The following ADAMTSL1 variants were observed in gnomAD, a reference collection of about 807,000 sequenced individuals.
The protein encoded by ADAMTSL1 is ADAMTS-like protein 1.
Under a neutral mutation model 201.8 loss-of-function variants are expected in ADAMTSL1, and 126 were observed. The observed-to-expected ratio is 0.62, with a 90% confidence interval of 0.54 to 0.72. ADAMTSL1 has a LOEUF of 0.72. ADAMTSL1 is among the 30% of genes least tolerant of loss of function. The pLI is 0.00. For missense variants in ADAMTSL1, 2,679 were observed against 2,277.8 expected (o/e 1.18, Z -3.59); for synonymous variants, 1,121 against 903.4 (o/e 1.24, Z -4.32).
chr9:18,885,081 TTCAGTGTTCAAGATTTTTGTCTC>T (rs1225702721), intron 23 of ADAMTSL1, among the ~76,000 whole-genome samples: 10 of 152,180 alleles, frequency 6.6e-5, no homozygotes, highest in Non-Finnish European at 1.2e-4. Flanking sequence ...TTTTGTCGTT[TTCAGTGTTCAAGATTTTTGTCTC>T]TCAGTCCATT....
chr9:18,822,354 T>G (rs1824262499), intron 21 of ADAMTSL1, among the ~76,000 whole-genome samples: 2 of 152,192 alleles, frequency 1.3e-5, no homozygotes, highest in African/African-American at 2.4e-5. Context: ...TGACAACACC[T>G]TGGTTTTACA....
At chr9:18,202,566 G>T (rs1829493712) in intron 2 of ADAMTSL1, among the ~76,000 whole-genome samples, 3 of 152,134 alleles carry the variant, frequency 2.0e-5, no homozygotes, top group Admixed American at 6.6e-5. Context: ...TTCTCTTCCA[G>T]CCCAACCTGT....
rs77049858 is a variant in ADAMTSL1 at position 18,551,710 on chromosome 9, C to T, written c.237+18418C>T. 7.4e-3 allele frequency among the ~76,000 whole-genome samples: 1,120 copies of T among 151,868 alleles called. 9 individuals carry two copies. Among genetic ancestry groups the T allele is most frequent in the East Asian group, 0.051 (262 of 5,160 alleles). On this transcript the variant is annotated intron_variant, in intron 3 of 28. Transcript: ENST00000380548. ...GTCTCCTCATTTGCAAAATGAGGCA[C>T]ATAGGGTCGTCGTGAGGATTTCATG...
At chr9:18,412,218 C>T (rs79923364) in intron 2 of ADAMTSL1, among the ~76,000 whole-genome samples, 1 of 152,158 alleles carries the variant, frequency 6.6e-6, no homozygotes, top group East Asian at 1.9e-4. Flanking sequence ...CCGGCAAGAA[C>T]ACTTCATAAG....
chr9:18,499,065 A>G (rs1563998892), intron 1 of ADAMTSL1, among the ~76,000 whole-genome samples: 1 of 152,252 alleles, frequency 6.6e-6, no homozygotes, highest in Non-Finnish European at 1.5e-5. Flanking sequence ...TAGCTTTTAC[A>G]CCCTGTTACA....
chr9:18,766,928 G>A (rs1010047457), intron 16 of ADAMTSL1, among the ~76,000 whole-genome samples: 1 of 152,156 alleles, frequency 6.6e-6, no homozygotes, highest in Non-Finnish European at 1.5e-5. Context: ...ATGGATTATG[G>A]TATGCTGATT....
intron 23 of ADAMTSL1, among the ~76,000 whole-genome samples, chr9:18,843,941 T>TC (rs1825908082): frequency 6.6e-6 from 1 of 152,126 alleles, no homozygotes; most frequent in Non-Finnish European, 1.5e-5. Context: ...TTCGTGTAAA[T>TC]TTTTTTCAAA....
rs571817932 is a variant in ADAMTSL1 at position 18,684,090 on chromosome 9, G to A, written c.1490-626G>A. Reference sequence around the variant, plus strand: ...TTTTTTCCCAGGAAGTAACTAGGAAGTTTGTTTTGAATTGTTTGGCCAAAG... The same window carrying A: ...TTTTTTCCCAGGAAGTAACTAGGAAATTTGTTTTGAATTGTTTGGCCAAAG... On this transcript the variant is annotated intron_variant, in intron 12 of 28. Coordinates refer to ENST00000380548, the MANE Select transcript of ADAMTSL1 (RefSeq NM_001040272.6). Among the ~76,000 whole-genome samples, 12 of 152,256 alleles carry A rather than the reference G, an allele frequency of 7.9e-5. No homozygotes were observed. The East Asian group carries it at 2.3e-3, about 29-fold the overall frequency.
At chr9:18,484,290 C>T (rs1281775224) in intron 1 of ADAMTSL1, among the ~76,000 whole-genome samples, 1 of 152,176 alleles carries the variant, frequency 6.6e-6, no homozygotes, top group African/African-American at 2.4e-5. Context: ...ATGTTGCTGT[C>T]ATGATATTAT....
intron 16 of ADAMTSL1, among the ~76,000 whole-genome samples, chr9:18,762,457 G>T (rs774618607): frequency 9.9e-5 from 15 of 152,140 alleles, no homozygotes; most frequent in Non-Finnish European, 1.9e-4. Flanking sequence ...ACATCTTGAA[G>T]AATGGGGCAT....
At chr9:18,238,024 CTT>C (rs1830915571) in intron 2 of ADAMTSL1, among the ~76,000 whole-genome samples, 1 of 152,218 alleles carries the variant, frequency 6.6e-6, no homozygotes, top group Admixed American at 6.5e-5. Context: ...GCTTCAATGA[CTT>C]TCCCTGAAGA....
chr9:18,500,525 A>G (rs976343771), intron 1 of ADAMTSL1, among the ~76,000 whole-genome samples: 2 of 152,210 alleles, frequency 1.3e-5, no homozygotes. Context: ...TTAAAGGTCA[A>G]TATGTGGCAC....
intron 1 of ADAMTSL1, among the ~76,000 whole-genome samples, chr9:18,035,410 T>C (rs1194848550): frequency 1.3e-5 from 2 of 152,172 alleles, no homozygotes; most frequent in African/African-American, 4.8e-5. Flanking sequence ...CTTTATCTTG[T>C]AGGGATTGCG....
At chr9:18,330,415 T>C (rs1356623093) in intron 2 of ADAMTSL1, among the ~76,000 whole-genome samples, 1 of 152,054 alleles carries the variant, frequency 6.6e-6, no homozygotes, top group Non-Finnish European at 1.5e-5. Flanking sequence ...CTTCCCAATC[T>C]GTATTCTGTG....
At chr9:18,639,168 G>C in intron 6 of ADAMTSL1, 86 bp from the exon 7 acceptor site, 2 of 1,342,996 alleles carry the variant, frequency 1.5e-6, no homozygotes, top group South Asian at 2.4e-5. Context: ...CCCTTACCTA[G>C]CTCTAAACAT....
intron 1 of ADAMTSL1, among the ~76,000 whole-genome samples, chr9:18,161,400 A>G (rs1387545369): frequency 6.6e-6 from 1 of 152,112 alleles, no homozygotes; most frequent in Admixed American, 6.6e-5. Flanking sequence ...AAGAATTGGC[A>G]TCGAATAACT....
At chr9:18,252,996 G>C (rs1489980482) in intron 2 of ADAMTSL1, among the ~76,000 whole-genome samples, 1 of 152,078 alleles carries the variant, frequency 6.6e-6, no homozygotes, top group East Asian at 1.9e-4. Context: ...TTCACCATTA[G>C]GAAAATATTT....
intron 2 of ADAMTSL1, among the ~76,000 whole-genome samples, chr9:18,293,269 G>A (rs1367702909): frequency 6.6e-6 from 1 of 152,138 alleles, no homozygotes; most frequent in African/African-American, 2.4e-5. Context: ...GTTTTCTTTT[G>A]GATGTTTGTC....
chr9:18,520,183 T>C (rs1327334859), intron 2 of ADAMTSL1, among the ~76,000 whole-genome samples: 1 of 152,226 alleles, frequency 6.6e-6, no homozygotes, highest in African/African-American at 2.4e-5. Flanking sequence ...CTTTGCAGCC[T>C]CCTAACTGTT....
Sources: gnomAD v4.1 joint callset for allele counts (sites outside exome capture counted in the v4.1 genomes callset) on GRCh38, gnomAD v4.1.1 for gene constraint, MANE v1.5 for transcripts, NCBI Gene and HGNC (gene_info 2026-07-23, HGNC 2026-07-21) for gene names.